Variants in EMC1 observed in about 807,000 individuals in gnomAD.
The protein encoded by EMC1 is KIAA0090.
In EMC1, 103 loss-of-function variants were observed where a neutral mutation model predicts 128.8. The ratio of observed to expected loss-of-function variants is 0.80; its 90% confidence interval spans 0.68 to 0.94. The LOEUF is 0.94. EMC1 is among the 40% of genes least tolerant of loss of function. The probability of loss-of-function intolerance (pLI) is 0.00; values close to 1 mark genes in which losing one functional copy is unlikely to be tolerated. For missense variants in EMC1, 1,083 were observed against 1,250.6 expected, an observed-to-expected ratio of 0.87 and a Z score of 2.02; for synonymous variants, 442 against 490.4, an observed-to-expected ratio of 0.90 and a Z score of 1.30.
intron 4 of EMC1, 102 bp downstream of exon 4, chr1:19,243,512 G>A (rs2093617480): frequency 8.8e-6 from 9 of 1,018,344 alleles, no homozygotes; most frequent in Non-Finnish European, 1.4e-5. Context: ...CTCTTCAGTG[G>A]TCCCTGGGAA....
intron 9 of EMC1, among the ~76,000 whole-genome samples, 164 bp from the exon 10 acceptor site, chr1:19,239,021 G>C (rs2093587261): frequency 6.6e-6 from 1 of 152,188 alleles, no homozygotes; most frequent in African/African-American, 2.4e-5. Flanking sequence ...CCATATGAAA[G>C]TAAGGTCATC....
intron 12 of EMC1, among the ~76,000 whole-genome samples, chr1:19,236,525 G>A (rs2093565178): frequency 6.7e-6 from 1 of 149,860 alleles, no homozygotes; most frequent in South Asian, 2.1e-4. Context: ...GCGTGGTGGT[G>A]CATGCCTGTA....
At chr1:19,222,404 C>G (rs943314289) in intron 20 of EMC1, among the ~76,000 whole-genome samples, 1 of 151,798 alleles carries the variant, frequency 6.6e-6, no homozygotes, top group African/African-American at 2.4e-5. Context: ...GACCCTGTCT[C>G]GAAAAACAAA....
chr1:19,237,086 G>C (rs1003927732), intron 12 of EMC1, 56 bp downstream of exon 12: 7 of 1,251,946 alleles, frequency 5.6e-6, no homozygotes, highest in Non-Finnish European at 8.2e-6. Context: ...AGTCTGATTG[G>C]AACACATTGG....
In EMC1 at chr1:19,230,974, C is replaced by G. The variant is rs746458114; in HGVS notation, c.1945-11G>C. On this transcript the variant is annotated splice_polypyrimidine_tract_variant and intron_variant, in intron 16 of 22. Transcript: ENST00000477853. Reference sequence around the variant, plus strand: ...TGGAAAAGCTGTGACCTTGAAAAACCCAGAGAGCCCAAGGAAAGAGTTAGG... The same window carrying G: ...TGGAAAAGCTGTGACCTTGAAAAACGCAGAGAGCCCAAGGAAAGAGTTAGG... 2.0e-5 allele frequency: 33 copies of G among 1,613,504 alleles called. No individual in the cohort carries two copies. The highest frequency in any genetic ancestry group is 8.5e-7 in the Non-Finnish European group (1 of 1,179,916).
Position 19,236,645 on chromosome 1 carries a change from G to A in EMC1, c.1309+497C>T, listed in dbSNP as rs528634113. Among the ~76,000 whole-genome samples the A allele has an allele frequency of 5.5e-5, 7 of 127,182 alleles. No homozygotes were observed. The East Asian group carries it at 1.4e-3, about 26-fold the overall frequency. The allele number at this position is 127,182 out of a possible 152,430, so 83.4% of individuals were successfully genotyped here. ...TACTCCAGCAGTCTGAGCAACAAGAGCAAAACTCCGTCTCAAAAAAAAAAA... is the reference window on the plus strand; with the variant it reads ...TACTCCAGCAGTCTGAGCAACAAGAACAAAACTCCGTCTCAAAAAAAAAAA... On this transcript the variant is annotated intron_variant, in intron 12 of 22. Coordinates refer to ENST00000477853, the MANE Select transcript of EMC1 (RefSeq NM_015047.3).
Position 19,251,449 on chromosome 1 carries a change from C to T in EMC1, c.61G>A (p.Ala21Thr), listed in dbSNP as rs11558182. ...LWATLLIPAA[A>T]VYEDQVGKFD... is the part of the protein sequence containing the mutation. Reference sequence around the variant, plus strand: ...TTGCCCACTTGGTCTTCGTAGACCGCGGCCGCAGGAATCAGCAGCGTAGCC... The same window carrying T: ...TTGCCCACTTGGTCTTCGTAGACCGTGGCCGCAGGAATCAGCAGCGTAGCC... Residue 21 changes from alanine to threonine, a missense_variant, in exon 1 of 23, where the codon GCG becomes ACG. Around this residue, in one of 3 missense-constraint regions of EMC1, gnomAD observed 544 missense variants for 572.4 expected, o/e 0.95. Coordinates refer to ENST00000477853, the MANE Select transcript of EMC1 (RefSeq NM_015047.3). 8.9e-5 allele frequency: 144 copies of T among 1,614,158 alleles called. No homozygotes were observed. The highest frequency in any genetic ancestry group is 3.3e-4 in the Middle Eastern group (2 of 6,062).
chr1:19,230,671 A>G (rs1228023108), intron 17 of EMC1, among the ~76,000 whole-genome samples, 173 bp downstream of exon 17: 2 of 152,242 alleles, frequency 1.3e-5, no homozygotes, highest in Admixed American at 6.5e-5. Context: ...CGTATCTGCC[A>G]TGTAGTAGCT....
Position 19,219,256 on chromosome 1 carries a change from G to C in EMC1, c.*47C>G. Reference sequence around the variant, plus strand: ...AAACTGCAGCTGTAGCTGCTTATCTGACCCACACTCCCCTGGCTCTCCACT... The same window carrying C: ...AAACTGCAGCTGTAGCTGCTTATCTCACCCACACTCCCCTGGCTCTCCACT... On this transcript the variant is annotated 3_prime_UTR_variant, in exon 23 of 23. Coordinates refer to ENST00000477853, the MANE Select transcript of EMC1 (RefSeq NM_015047.3). 2 of 1,597,396 alleles carry C rather than the reference G, an allele frequency of 1.3e-6. No individual in the cohort carries two copies. Among genetic ancestry groups the C allele is most frequent in the South Asian group, 1.1e-5 (1 of 90,420 alleles).
At chr1:19,248,704 C>T (rs1391071797) in intron 1 of EMC1, among the ~76,000 whole-genome samples, 1 of 152,108 alleles carries the variant, frequency 6.6e-6, no homozygotes, top group Non-Finnish European at 1.5e-5. Flanking sequence ...AGGCGTGAGC[C>T]ACCACGCCCA....
At chr1:19,240,161 A>G in intron 7 of EMC1, 136 bp downstream of exon 7, 1 of 1,250,404 alleles carries the variant, frequency 8.0e-7, no homozygotes, top group Non-Finnish European at 1.1e-6. Context: ...CTCTTACACC[A>G]GTTCAGCCAG....
In EMC1 at chr1:19,235,200, G is replaced by A. The variant is rs2093553622; in HGVS notation, c.1362C>T (p.Cys454=). Residue 454 remains cysteine (C), a synonymous_variant, in exon 13 of 23, where the codon TGC becomes TGT. Coordinates refer to ENST00000477853, the MANE Select transcript of EMC1 (RefSeq NM_015047.3). ...TCAGGGGGAGGTCCACCATCTCTAGGCACACCACTTCTGCCAGGGACTCCT... is the reference window on the plus strand; with the variant it reads ...TCAGGGGGAGGTCCACCATCTCTAGACACACCACTTCTGCCAGGGACTCCT... The part of the protein sequence containing the change: ...SREESLAEVV[C]LEMVDLPLTG... The A allele has an allele frequency of 4.3e-6, 7 of 1,613,732 alleles. No homozygotes were observed. Among genetic ancestry groups the A allele is most frequent in the Non-Finnish European group, 5.9e-6 (7 of 1,179,890 alleles).
chr1:19,242,834 C>T (rs1187124902), intron 4 of EMC1, among the ~76,000 whole-genome samples: 2 of 152,210 alleles, frequency 1.3e-5, no homozygotes, highest in African/African-American at 2.4e-5. Context: ...TCAATGACAG[C>T]AACTGTCTCA....
At chr1:19,220,624 G>C in intron 21 of EMC1, 140 bp downstream of exon 21, 2 of 559,654 alleles carry the variant, frequency 3.6e-6, no homozygotes, top group Non-Finnish European at 6.3e-6. Flanking sequence ...GAGGGCAGGT[G>C]ACTTTTTCAG....
chr1:19,245,338 G>A (rs1023052372), intron 1 of EMC1, among the ~76,000 whole-genome samples: 10 of 152,086 alleles, frequency 6.6e-5, no homozygotes, highest in African/African-American at 2.4e-4. Flanking sequence ...CTACTCGGGA[G>A]GCTGAGGCAG....
intron 5 of EMC1, 36 bp downstream of exon 5, chr1:19,242,309 A>T (rs754634089): frequency 1.9e-6 from 3 of 1,613,222 alleles, no homozygotes; most frequent in Non-Finnish European, 8.5e-7. Context: ...AGAGAGTAGA[A>T]CGAGGCAGCT....
intron 21 of EMC1, 33 bp from the exon 22 acceptor site, chr1:19,219,731 G>T (rs1444165496): frequency 5.6e-6 from 9 of 1,613,506 alleles, no homozygotes; most frequent in Admixed American, 3.3e-5. Flanking sequence ...GGCAGTCTGA[G>T]CACTGCTGTA....
intron 21 of EMC1, 128 bp from the exon 22 acceptor site, chr1:19,219,826 G>C: frequency 1.0e-6 from 1 of 985,074 alleles, no homozygotes; most frequent in Non-Finnish European, 1.5e-6. Flanking sequence ...AGGTCTGCTT[G>C]CATTAGGTAG....
intron 18 of EMC1, among the ~76,000 whole-genome samples, chr1:19,224,672 A>G (rs552963271): frequency 6.6e-6 from 1 of 152,076 alleles, no homozygotes; most frequent in Admixed American, 6.5e-5. Context: ...TCTACAGTCT[A>G]ATCTAGGTCA....
Sources: gnomAD v4.1 joint callset for allele counts (sites outside exome capture counted in the v4.1 genomes callset) on GRCh38, gnomAD v4.1.1 for gene constraint, gnomAD v4.1.1 regional missense constraint, MANE v1.5 for transcripts, NCBI Gene and HGNC (gene_info 2026-07-23, HGNC 2026-07-21) for gene names.